Variants in ALCAM observed in about 807,000 individuals in gnomAD.
ALCAM encodes activated leukocyte cell adhesion molecule.
Under a neutral mutation model 70.9 loss-of-function variants are expected in ALCAM, and 30 were observed. That is an observed-to-expected ratio of 0.42 (90% CI 0.32 to 0.57). ALCAM has a LOEUF of 0.57. Among genes scored for constraint, ALCAM ranks in the 20% least tolerant of loss-of-function variants. The pLI is 0.11. For missense variants in ALCAM, 591 were observed against 695.1 expected (o/e 0.85, Z 1.68); for synonymous variants, 249 against 242.5 (o/e 1.03, Z -0.25).
intron 1 of ALCAM, among the ~76,000 whole-genome samples, chr3:105,424,917 GA>G (rs2107423654): frequency 6.6e-6 from 1 of 151,806 alleles, no homozygotes; most frequent in African/African-American, 2.4e-5. Context: ...AATCAAAATG[GA>G]ATACATGCTA....
At chr3:105,482,060 C>T (rs1209772848) in intron 1 of ALCAM, among the ~76,000 whole-genome samples, 1 of 151,986 alleles carries the variant, frequency 6.6e-6, no homozygotes, top group African/African-American at 2.4e-5. Flanking sequence ...ACAAAAGAGC[C>T]AAGAAATATT....
intron 6 of ALCAM, among the ~76,000 whole-genome samples, chr3:105,539,233 A>G (rs910904992): frequency 6.6e-6 from 1 of 152,096 alleles, no homozygotes; most frequent in African/African-American, 2.4e-5. Context: ...GCACCACTTC[A>G]TTTTATTTCC....
At chr3:105,413,532 C>T (rs527821673) in intron 1 of ALCAM, among the ~76,000 whole-genome samples, 2 of 152,230 alleles carry the variant, frequency 1.3e-5, no homozygotes, top group African/African-American at 4.8e-5. Context: ...TATCTACTTC[C>T]TCCTCTGGTG....
At chr3:105,513,552 T>C (rs955480351) in intron 1 of ALCAM, among the ~76,000 whole-genome samples, 2 of 151,946 alleles carry the variant, frequency 1.3e-5, no homozygotes, top group African/African-American at 4.8e-5. Context: ...AAGAATAGTA[T>C]AGTAGATGCC....
intron 1 of ALCAM, among the ~76,000 whole-genome samples, chr3:105,381,269 A>G (rs191590336): frequency 4.6e-5 from 7 of 152,100 alleles, no homozygotes; most frequent in Admixed American, 1.3e-4. Flanking sequence ...ACGATTATAC[A>G]CCCAACTGAT....
intron 1 of ALCAM, among the ~76,000 whole-genome samples, chr3:105,518,161 C>A (rs967565614): frequency 3.4e-4 from 52 of 152,106 alleles, no homozygotes; most frequent in African/African-American, 1.2e-3. Context: ...TCATTGGTAC[C>A]TAAGCTCTGT....
chr3:105,508,981 C>A (rs1219724416), intron 1 of ALCAM, among the ~76,000 whole-genome samples: 10 of 152,078 alleles, frequency 6.6e-5, no homozygotes, highest in Admixed American at 5.9e-4. Flanking sequence ...ATTTGTCTTT[C>A]TTTGGCTTAT....
chr3:105,419,051 TG>T (rs1358748716), intron 1 of ALCAM, among the ~76,000 whole-genome samples: 2 of 151,788 alleles, frequency 1.3e-5, no homozygotes, highest in African/African-American at 2.4e-5. Flanking sequence ...ACTGCATCTA[TG>T]GGGTCTCTGA....
chr3:105,567,603 A>C (rs1445632168), intron 14 of ALCAM, among the ~76,000 whole-genome samples: 1 of 152,108 alleles, frequency 6.6e-6, no homozygotes, highest in Non-Finnish European at 1.5e-5. Context: ...GTTCAATATC[A>C]ATATTCTAGT....
chr3:105,534,911 C>A, intron 6 of ALCAM, 66 bp downstream of exon 6: 1 of 1,410,260 alleles, frequency 7.1e-7, no homozygotes. Context: ...TGCTATTAAT[C>A]TTTGAGGTCC....
chr3:105,501,932 A>G (rs1297636040), intron 1 of ALCAM, among the ~76,000 whole-genome samples: 6 of 152,248 alleles, frequency 3.9e-5, no homozygotes, highest in African/African-American at 1.4e-4. Context: ...GTTACAGTTG[A>G]AAACACTTAT....
intron 1 of ALCAM, among the ~76,000 whole-genome samples, chr3:105,403,112 A>G (rs1936132635): frequency 6.6e-6 from 1 of 151,804 alleles, no homozygotes; most frequent in Non-Finnish European, 1.5e-5. Flanking sequence ...ACGCCCAGCC[A>G]ATTTTTGTAT....
chr3:105,550,652 A>AT (rs1299535337), intron 12 of ALCAM, among the ~76,000 whole-genome samples: 1 of 151,550 alleles, frequency 6.6e-6, no homozygotes. Flanking sequence ...TTGATCTATT[A>AT]TTTTGCCTTC....
At chr3:105,493,678 T>C (rs9870754) in intron 1 of ALCAM, among the ~76,000 whole-genome samples, 146,327 of 152,228 alleles carry the variant, frequency 0.96, 70,567 homozygotes, top group East Asian at 1. Context: ...TCCCATAGAG[T>C]CTCCAGAAAG....
chr3:105,435,919 A>G (rs1487735622), intron 1 of ALCAM, among the ~76,000 whole-genome samples: 2 of 152,006 alleles, frequency 1.3e-5, no homozygotes, highest in African/African-American at 4.8e-5. Context: ...GCCTCCCGAA[A>G]AAGAGGTTTA....
At chr3:105,538,855 G>A (rs933689441) in intron 6 of ALCAM, among the ~76,000 whole-genome samples, 3 of 152,060 alleles carry the variant, frequency 2.0e-5, no homozygotes, top group African/African-American at 7.2e-5. Context: ...GAATGTACTG[G>A]ACAAGTATTC....
intron 1 of ALCAM, among the ~76,000 whole-genome samples, chr3:105,505,142 A>C (rs1366654396): frequency 1.3e-5 from 2 of 152,170 alleles, no homozygotes; most frequent in Non-Finnish European, 2.9e-5. Context: ...TCCTTGGAAG[A>C]GGTAGCTTAT....
rs953819589 is a variant in ALCAM at position 105,392,714 on chromosome 3, T to C, written c.73+25233T>C. On this transcript the variant is annotated intron_variant, in intron 1 of 15. Transcript: ENST00000306107. ...TTTCTAACTTTTTGATTTGGGCATT[T>C]AGTGCTATAAATTTACCTCTTAACA... 3.3e-5 allele frequency among the ~76,000 whole-genome samples: 5 copies of C among 152,108 alleles called. No homozygotes were observed. In the East Asian group the frequency reaches 9.7e-4, roughly 30 times the overall value.
chr3:105,428,246 C>A (rs1216018711), intron 1 of ALCAM, among the ~76,000 whole-genome samples: 1 of 151,804 alleles, frequency 6.6e-6, no homozygotes, highest in East Asian at 1.9e-4. Flanking sequence ...ATCCTTCTTA[C>A]AGAACAGTGA....
Sources: allele counts gnomAD v4.1 joint callset (sites outside exome capture counted in the v4.1 genomes callset), GRCh38; gene constraint gnomAD v4.1.1; transcripts MANE v1.5; gene names NCBI Gene and HGNC (gene_info 2026-07-23, HGNC 2026-07-21).